Variants in HEPH observed in about 807,000 individuals in gnomAD.
The protein encoded by HEPH is hephaestin.
Under a neutral mutation model 80.8 loss-of-function variants are expected in HEPH, and 69 were observed. That is an observed-to-expected ratio of 0.85 (90% confidence interval 0.70 to 1.04). The LOEUF is 1.04. HEPH is among the 50% of genes least tolerant of loss of function. The pLI is 0.00. For missense variants in HEPH, 1,115 were observed against 891.3 expected (o/e 1.25, Z -3.20); for synonymous variants, 431 against 322.8 (o/e 1.34, Z -3.60).
intron 13 of HEPH, 25 bp downstream of exon 13, chrX:66,203,602 T>G: frequency 8.6e-7 from 1 of 1,165,117 alleles, no homozygotes; most frequent in South Asian, 1.8e-5. Flanking sequence ...ATGGAGAGAT[T>G]ACACTTTTAG....
chrX:66,251,463 A>G (rs775403157), intron 15 of HEPH, among the ~76,000 whole-genome samples: 1 of 112,246 alleles, frequency 8.9e-6, no homozygotes, highest in South Asian at 3.7e-4. Flanking sequence ...AATGTTTAAC[A>G]TCTATCATAT....
chrX:66,172,449 G>T lies in HEPH; in HGVS notation c.262G>T (p.Asp88Tyr), dbSNP rs1364004817. Residue 88 changes from aspartate (D) to tyrosine (Y), a missense_variant, in exon 3 of 21, where the codon GAT becomes TAT. Physicochemically the swap from Asp to Tyr is radical, Grantham distance 160. Around this residue, in one of 3 missense-constraint regions of HEPH, gnomAD observed 391 missense variants for 343.6 expected, o/e 1.14. Transcript: ENST00000343002. The stretch of plus-strand genomic sequence containing the variant: ...AGAATACAAGGATGACTCATACACA[G>T]ATGAAGTGGCCCAGCCTGCCTGGTT... ...YKEYKDDSYT[D>Y]EVAQPAWLGF... 3.3e-6 allele frequency: 4 copies of T among 1,208,435 alleles called. No individual in the cohort carries two copies. The African/African-American group carries it at 5.3e-5, about 16-fold the overall frequency.
intron 20 of HEPH, 74 bp from the exon 21 acceptor site, chrX:66,266,366 G>T (rs2091535557): frequency 5.1e-6 from 4 of 786,153 alleles, no homozygotes; most frequent in South Asian, 2.5e-5. Context: ...TTTTTTTCAG[G>T]TGATGACTAT....
chrX:66,217,746 A>C (rs1303632565), intron 15 of HEPH, among the ~76,000 whole-genome samples: 1 of 111,987 alleles, frequency 8.9e-6, no homozygotes, highest in Non-Finnish European at 1.9e-5. Flanking sequence ...AGAATAGCAG[A>C]ATAGATACGA....
intron 7 of HEPH, 26 bp from the exon 8 acceptor site, chrX:66,193,476 A>T: frequency 9.3e-7 from 1 of 1,079,578 alleles, no homozygotes; most frequent in Non-Finnish European, 1.3e-6. Flanking sequence ...ATGAAATAAT[A>T]TCATATTTTC....
chrX:66,180,801 C>A (rs62613165), intron 4 of HEPH, among the ~76,000 whole-genome samples: 4 of 86,721 alleles, frequency 4.6e-5, no homozygotes, highest in African/African-American at 1.7e-4. Context: ...CACCCACTAA[C>A]GTGTCATCTA....
chrX:66,217,524 G>T (rs2089448463), intron 15 of HEPH, among the ~76,000 whole-genome samples: 1 of 111,535 alleles, frequency 9.0e-6, no homozygotes, highest in Non-Finnish European at 1.9e-5. Context: ...TACAAGAACT[G>T]CTAAAAGGAA....
chrX:66,223,195 G>T (rs2089726160), intron 15 of HEPH, among the ~76,000 whole-genome samples: 2 of 111,447 alleles, frequency 1.8e-5, no homozygotes, highest in South Asian at 3.8e-4. Flanking sequence ...TGTGCTAAAA[G>T]ACTTTTAGTT....
chrX:66,213,016 AATTT>A (rs1163874112), intron 15 of HEPH, among the ~76,000 whole-genome samples: 18 of 108,135 alleles, frequency 1.7e-4, no homozygotes, highest in African/African-American at 5.3e-4. Flanking sequence ...TTTTTAAATT[AATTT>A]ATTTATTTTA....
intron 15 of HEPH, among the ~76,000 whole-genome samples, chrX:66,236,040 A>G (rs2148047054): frequency 8.9e-6 from 1 of 112,063 alleles, no homozygotes; most frequent in East Asian, 2.8e-4. Context: ...ATATAGGATC[A>G]TGTTGCCTGC....
chrX:66,231,835 A>T (rs1463609337), intron 15 of HEPH, among the ~76,000 whole-genome samples: 1 of 107,255 alleles, frequency 9.3e-6, no homozygotes, highest in Non-Finnish European at 1.9e-5. Flanking sequence ...GTGGTGAGAG[A>T]GGGCATCCCT....
At chrX:66,164,680 G>T (rs1048321169) in intron 1 of HEPH, among the ~76,000 whole-genome samples, 1 of 111,881 alleles carries the variant, frequency 8.9e-6, no homozygotes, top group Non-Finnish European at 1.9e-5. Flanking sequence ...GACTACACTG[G>T]CTTGTCTGTT....
Position 66,180,442 on chromosome X carries a change from C to T in HEPH, c.625+6641C>T, listed in dbSNP as rs778546575. ...GGAAGCTGAAGATAGGGCCCCAATCCCTTCTAGCTTGTAGAGTTTCTGCTG... is the reference window on the plus strand; with the variant it reads ...GGAAGCTGAAGATAGGGCCCCAATCTCTTCTAGCTTGTAGAGTTTCTGCTG... On this transcript the variant is annotated intron_variant, in intron 4 of 20. Coordinates refer to ENST00000343002, the MANE Select transcript of HEPH (RefSeq NM_001367233.3). Among the ~76,000 whole-genome samples the T allele has an allele frequency of 2.7e-5, 3 of 111,012 alleles. No homozygotes were observed. The South Asian group carries it at 1.1e-3, about 42-fold the overall frequency.
At chrX:66,243,164 G>A (rs1012986454) in intron 15 of HEPH, among the ~76,000 whole-genome samples, 3 of 111,943 alleles carry the variant, frequency 2.7e-5, no homozygotes, top group African/African-American at 9.7e-5. Flanking sequence ...GAAAAAGAAT[G>A]ACATATTTTT....
intron 9 of HEPH, among the ~76,000 whole-genome samples, chrX:66,196,523 T>C (rs1304406134): frequency 8.9e-6 from 1 of 112,148 alleles, no homozygotes; most frequent in African/African-American, 3.2e-5. Flanking sequence ...TTGAATGTTT[T>C]TATAAACCTT....
chrX:66,255,718 T>C (rs2091157415), intron 16 of HEPH, among the ~76,000 whole-genome samples: 1 of 111,244 alleles, frequency 9.0e-6, no homozygotes, highest in Non-Finnish European at 1.9e-5. Flanking sequence ...GGAGAAGGCA[T>C]CACAATGGGA....
intron 15 of HEPH, among the ~76,000 whole-genome samples, chrX:66,246,174 T>G (rs919340966): frequency 2.8e-4 from 31 of 112,066 alleles, no homozygotes; most frequent in African/African-American, 1.0e-3. Context: ...CCCTGTTGTC[T>G]GGGTGTTTCC....
intron 15 of HEPH, among the ~76,000 whole-genome samples, chrX:66,221,200 C>A (rs1000605588): frequency 3.6e-5 from 4 of 111,505 alleles, no homozygotes; most frequent in African/African-American, 1.3e-4. Flanking sequence ...CTGCTCCTGT[C>A]CGCGTACCAC....
intron 15 of HEPH, among the ~76,000 whole-genome samples, chrX:66,247,660 A>G (rs1270556433): frequency 8.9e-6 from 1 of 111,882 alleles, no homozygotes. Flanking sequence ...TGGGAACAAA[A>G]GTCAAGTTAC....
Sources: allele counts gnomAD v4.1 joint callset (sites outside exome capture counted in the v4.1 genomes callset), GRCh38; gene constraint gnomAD v4.1.1; regional missense constraint gnomAD v4.1.1; transcripts MANE v1.5; gene names NCBI Gene and HGNC (gene_info 2026-07-23, HGNC 2026-07-21).